ABCC12: variants seen among roughly 807,000 people sequenced by gnomAD.
The protein encoded by ABCC12 is ATP binding cassette subfamily C member 12.
In ABCC12, 142 loss-of-function variants were observed where a neutral mutation model predicts 151.1. The observed-to-expected ratio is 0.94, with a 90% confidence interval of 0.82 to 1.08. The LOEUF (loss-of-function observed/expected upper bound fraction) is 1.08, where lower values mean the gene tolerates loss of function less well. Among genes scored for constraint, ABCC12 ranks in the 50% least tolerant of loss-of-function variants. ABCC12 has a pLI of 0.00. For synonymous variants in ABCC12, 645 were observed against 646.4 expected, an observed-to-expected ratio of 1.00 and a Z score of 0.03; for missense variants, 1,638 against 1,691.1, an observed-to-expected ratio of 0.97 and a Z score of 0.55.
rs2150651006 is a variant in ABCC12 at position 48,128,675 on chromosome 16, G to T, written c.1299C>A (p.Val433=). The part of the protein sequence containing the change: ...YITQPEDPDT[V]LLLANATLTW... ...TCAAGGTGGCATTTGCTAAAAGCAA[G>T]ACAGTATCTGGGTCTTCTGGTTGGG... The change falls in exon 11 of 31, where the codon GTC becomes GTA. Residue 433 remains valine (V), a synonymous_variant. Transcript: ENST00000311303. 6.2e-7 allele frequency: 1 copy of T among 1,614,190 alleles called. No homozygotes were observed. The highest frequency in any genetic ancestry group is 2.2e-5 in the East Asian group (1 of 44,888).
At chr16:48,086,219 C>G (rs541455414) in intron 28 of ABCC12, 28 of 171,844 alleles carry the variant, frequency 1.6e-4, no homozygotes, top group African/African-American at 6.2e-4. Context: ...GGCTGTAGCT[C>G]TTATAGGACA....
rs1962328103 is a variant in ABCC12, at chr16:48,081,162, A to G, written c.*2553T>C. 6.6e-6 allele frequency among the ~76,000 whole-genome samples: 1 copy of G among 152,056 alleles called. No homozygotes were observed. The highest frequency in any genetic ancestry group is 1.5e-5 in the Non-Finnish European group (1 of 68,008). On this transcript the variant is annotated 3_prime_UTR_variant, in exon 31 of 31. Transcript: ENST00000311303. ...CTGAGGATTATGTTTCAACAGGAGG[A>G]TTTTGGGGGAACACAATGTTCAGAT...
chr16:48,117,270 G>A lies in ABCC12; in HGVS notation c.1776C>T (p.Asp592=), dbSNP rs768684810. 2 of 1,613,592 alleles carry A rather than the reference G, an allele frequency of 1.2e-6. No individual in the cohort carries two copies. The highest frequency in any genetic ancestry group is 1.1e-5 in the South Asian group (1 of 90,932). ...TCCCAGCCCCGCTCACCTCAGTCAG[G>A]TCTCCATAGGGGAGGTTGCTCAGGT... ...QKDLSNLPYG[D]LTEIGERGLN... The change falls in exon 14 of 31, where the codon GAC becomes GAT. Residue 592 remains aspartate, a synonymous_variant. Coordinates refer to ENST00000311303, the MANE Select transcript of ABCC12 (RefSeq NM_001393797.1).
At chr16:48,086,654 G>A in intron 28 of ABCC12, 87 bp downstream of exon 28, 2 of 1,173,330 alleles carry the variant, frequency 1.7e-6, no homozygotes, top group Admixed American at 1.7e-5. Context: ...TGCTGGCCTA[G>A]GTGCTTGTCA....
At chr16:48,127,360 C>T (rs548775011) in intron 11 of ABCC12, among the ~76,000 whole-genome samples, 22 of 152,248 alleles carry the variant, frequency 1.4e-4, no homozygotes, top group African/African-American at 4.6e-4. Flanking sequence ...CAGGAAGAGG[C>T]CAAACATTCC....
intron 19 of ABCC12, 68 bp downstream of exon 19, chr16:48,108,372 C>T: frequency 7.2e-7 from 1 of 1,386,008 alleles, no homozygotes; most frequent in Non-Finnish European, 1.0e-6. Context: ...AAAACGTGAA[C>T]CCAACAGTTT....
chr16:48,115,702 A>T lies in ABCC12; in HGVS notation c.1786-84T>A, dbSNP rs141980927. Reference sequence around the variant, plus strand: ...TGGAAGCTTCCTGGAGCTTCTCAGGACTCAGGGGAAAGACGTACACACTGA... The same window carrying T: ...TGGAAGCTTCCTGGAGCTTCTCAGGTCTCAGGGGAAAGACGTACACACTGA... On this transcript the variant is annotated intron_variant, in intron 14 of 30. Coordinates refer to ENST00000311303, the MANE Select transcript of ABCC12 (RefSeq NM_001393797.1). 1.4e-3 allele frequency: 1,931 copies of T among 1,386,642 alleles called. 28 individuals carry two copies. In the African/African-American group the frequency reaches 0.025, roughly 18 times the overall value. 85.9% of individuals were successfully genotyped at this position (1,386,642 alleles called of 1,614,324 possible).
chr16:48,091,159 G>A lies in ABCC12; in HGVS notation c.3246C>T (p.Ala1082=), dbSNP rs1962870478. 1 of 1,614,194 alleles carries A rather than the reference G, an allele frequency of 6.2e-7. No individual in the cohort carries two copies. Among genetic ancestry groups the A allele is most frequent in the East Asian group, 2.2e-5 (1 of 44,886 alleles). ...VCVRTGTETQ[A]KFTSVELLRE... ...TGAGCAGCTCCACGGAGGTGAATTT[G>A]GCTTGCGTCTCTGTTCCCGTTCGCA... Residue 1082 remains alanine, a synonymous_variant, in exon 25 of 31, where the codon GCC becomes GCT. Coordinates refer to ENST00000311303, the MANE Select transcript of ABCC12 (RefSeq NM_001393797.1).
chr16:48,098,140 G>C lies in ABCC12; in HGVS notation c.3039-1238C>G, dbSNP rs372064547. Among the ~76,000 whole-genome samples, 771 of 129,192 alleles carry C rather than the reference G, an allele frequency of 6.0e-3. 4 individuals are homozygous for C. The highest frequency in any genetic ancestry group is 0.023 in the African/African-American group (734 of 32,000). 84.8% of individuals were successfully genotyped at this position (129,192 alleles called of 152,430 possible). On this transcript the variant is annotated intron_variant, in intron 23 of 30. Coordinates refer to ENST00000311303, the MANE Select transcript of ABCC12 (RefSeq NM_001393797.1). ...ACACACACACACACACACACACACA[G>C]CATAGCCTTGCCACACCAAGCCTCT...
intron 8 of ABCC12, among the ~76,000 whole-genome samples, chr16:48,136,661 G>A (rs889994859): frequency 1.3e-5 from 2 of 152,190 alleles, no homozygotes; most frequent in South Asian, 4.1e-4. Flanking sequence ...TTGAGAGGTA[G>A]GGCATGGACA....
intron 8 of ABCC12, among the ~76,000 whole-genome samples, chr16:48,136,383 G>T (rs1333673245): frequency 6.6e-6 from 1 of 152,076 alleles, no homozygotes; most frequent in Non-Finnish European, 1.5e-5. Flanking sequence ...CCAACCCAGT[G>T]TGCTCCCCCA....
intron 24 of ABCC12, among the ~76,000 whole-genome samples, chr16:48,095,815 T>C (rs1963074941): frequency 1.3e-5 from 2 of 152,142 alleles, no homozygotes; most frequent in Non-Finnish European, 2.9e-5. Flanking sequence ...ACTCACAGCA[T>C]CAAACAGAAC....
At chr16:48,152,976 T>C (rs1036940472) in intron 2 of ABCC12, among the ~76,000 whole-genome samples, 2 of 152,224 alleles carry the variant, frequency 1.3e-5, no homozygotes, top group Admixed American at 6.5e-5. Flanking sequence ...AAGAACATTA[T>C]TGGCCCAAGT....
chr16:48,106,925 C>T (rs911236850), intron 20 of ABCC12, among the ~76,000 whole-genome samples: 1 of 152,210 alleles, frequency 6.6e-6, no homozygotes, highest in Non-Finnish European at 1.5e-5. Context: ...ACACGTGGGA[C>T]CTTCTGGCAC....
rs199886498 is a variant in ABCC12 at position 48,121,855 on chromosome 16, C to T, written c.1588-15G>A. On this transcript the variant is annotated splice_polypyrimidine_tract_variant and intron_variant, in intron 12 of 30. Transcript: ENST00000311303. ...TGCAGCTGCATCTGGAACAACAAGA[C>T]GGGAGAAGCTTCAGGAGCCAAGCCT... 4.5e-4 allele frequency: 733 copies of T among 1,613,908 alleles called. 2 individuals carry two copies. Among genetic ancestry groups the T allele is most frequent in the East Asian group, 1.0e-3 (45 of 44,866 alleles).
chr16:48,122,912 G>A (rs1201195848), intron 12 of ABCC12, among the ~76,000 whole-genome samples: 1 of 152,110 alleles, frequency 6.6e-6, no homozygotes, highest in Non-Finnish European at 1.5e-5. Context: ...TACAGACAAG[G>A]AAACCAAGTG....
In ABCC12 at chr16:48,104,879, C is replaced by T. The variant is rs1963433230; in HGVS notation, c.2673+260G>A. On this transcript the variant is annotated intron_variant, in intron 21 of 30. Coordinates refer to ENST00000311303, the MANE Select transcript of ABCC12 (RefSeq NM_001393797.1). ...TTGGAGCAGGAGGTGCTTGCTTGGC[C>T]TGCGCATCTCTGCGGCGGAGTGGCC... Among the ~76,000 whole-genome samples, 6 of 152,368 alleles carry T rather than the reference C, an allele frequency of 3.9e-5. No individual in the cohort carries two copies. In the South Asian group the frequency reaches 1.2e-3, roughly 32 times the overall value.
chr16:48,100,298 G>C (rs565874433), intron 23 of ABCC12, among the ~76,000 whole-genome samples: 34 of 152,174 alleles, frequency 2.2e-4, no homozygotes, highest in Non-Finnish European at 4.1e-4. Flanking sequence ...GAAGTTTGAA[G>C]CTGGAAGATG....
At position 48,088,042 on chromosome 16, in the gene ABCC12, T is replaced by C; in HGVS notation, c.3519A>G (p.Pro1173=). 6.2e-7 allele frequency: 1 copy of C among 1,614,244 alleles called. No homozygotes were observed. Among genetic ancestry groups the C allele is most frequent in the Non-Finnish European group, 8.5e-7 (1 of 1,180,032 alleles). ...LGMALFRLVE[P]ASGTIFIDEV... is the part of the protein sequence containing the mutation. ...CATCAATAAAGATTGTGCCACTGGC[T>C]GGCTCCACCAGACGAAACAAAGCCA... The change falls in exon 27 of 31, where the codon CCA becomes CCG. Residue 1173 remains proline, a synonymous_variant. Transcript: ENST00000311303.
Sources: allele counts gnomAD v4.1 joint callset (sites outside exome capture counted in the v4.1 genomes callset), GRCh38; gene constraint gnomAD v4.1.1; transcripts MANE v1.5; gene names NCBI Gene and HGNC (gene_info 2026-07-23, HGNC 2026-07-21).